PLD1: variants seen among roughly 807,000 people sequenced by gnomAD.
PLD1 encodes the protein choline phosphatase 1.
A neutral mutation model predicts 137.1 loss-of-function variants in PLD1; 112 were observed. The ratio of observed to expected loss-of-function variants is 0.82; its 90% confidence interval spans 0.70 to 0.96. The LOEUF is 0.96. PLD1 is among the 40% of genes least tolerant of loss of function. PLD1 has a pLI of 0.00. For missense variants in PLD1, 1,321 were observed against 1,342.0 expected (o/e 0.98, Z 0.24); for synonymous variants, 431 against 454.7 (o/e 0.95, Z 0.66).
At chr3:171,713,842 GT>G (rs1717452836) in intron 9 of PLD1, 50 bp downstream of exon 9, 1 of 1,492,554 alleles carries the variant, frequency 6.7e-7, no homozygotes, top group Non-Finnish European at 9.2e-7. Context: ...AGAAAAAAAT[GT>G]TTTTAAGGCA....
chr3:171,677,585 T>G lies in PLD1; in HGVS notation c.1977A>C (p.Gln659His). 1 of 1,614,060 alleles carries G rather than the reference T, an allele frequency of 6.2e-7. No homozygotes were observed. The highest frequency in any genetic ancestry group is 8.5e-7 in the Non-Finnish European group (1 of 1,179,940). Residue 659 changes from glutamine to histidine, a missense_variant, in exon 17 of 27, where the codon CAA becomes CAC. Coordinates refer to ENST00000351298, the MANE Select transcript of PLD1 (RefSeq NM_002662.5). ...YCNFVFKDWV[Q>H]LDKPFADFID... Reference sequence around the variant, plus strand: ...ACTCACCAGCAAAAGGTTTATCAAGTTGAACCCAGTCTTTGAAGACGAAAT... The same window carrying G: ...ACTCACCAGCAAAAGGTTTATCAAGGTGAACCCAGTCTTTGAAGACGAAAT...
chr3:171,739,847 A>G (rs1311095213), intron 1 of PLD1, among the ~76,000 whole-genome samples: 1 of 152,206 alleles, frequency 6.6e-6, no homozygotes, highest in East Asian at 1.9e-4. Context: ...AAAAGTTGAT[A>G]TTCTCAACCA....
intron 23 of PLD1, among the ~76,000 whole-genome samples, chr3:171,631,343 C>T (rs781598084): frequency 6.6e-6 from 1 of 152,066 alleles, no homozygotes; most frequent in African/African-American, 2.4e-5. Flanking sequence ...CCGTGTTTCT[C>T]ACTGTGAAAG....
chr3:171,750,097 T>C (rs977582194), intron 1 of PLD1, among the ~76,000 whole-genome samples: 2 of 152,200 alleles, frequency 1.3e-5, no homozygotes, highest in Non-Finnish European at 2.9e-5. Context: ...ATGTGCTCCA[T>C]TGTGAAGAGT....
chr3:171,667,628 G>A (rs1253280838), intron 19 of PLD1, among the ~76,000 whole-genome samples: 1 of 152,188 alleles, frequency 6.6e-6, no homozygotes, highest in Admixed American at 6.5e-5. Flanking sequence ...AGGCAAACAG[G>A]ACATGAAACT....
intron 8 of PLD1, among the ~76,000 whole-genome samples, chr3:171,718,153 G>C (rs948732569): frequency 2.0e-5 from 3 of 152,136 alleles, no homozygotes; most frequent in Non-Finnish European, 2.9e-5. Flanking sequence ...ACAAGTAACT[G>C]TCAGAGACTA....
At chr3:171,736,467 A>G (rs914923249) in intron 3 of PLD1, among the ~76,000 whole-genome samples, 1 of 152,186 alleles carries the variant, frequency 6.6e-6, no homozygotes, top group African/African-American at 2.4e-5. Flanking sequence ...ATAAGAAAAC[A>G]AAGCTCATCT....
intron 1 of PLD1, among the ~76,000 whole-genome samples, chr3:171,795,451 G>C (rs4243420): frequency 0.82 from 124,149 of 152,236 alleles, 50,886 homozygotes; most frequent in Middle Eastern, 0.94. Flanking sequence ...TCCAATATTG[G>C]TTCCTTGTAT....
At chr3:171,648,121 T>C (rs756648857) in intron 21 of PLD1, among the ~76,000 whole-genome samples, 9 of 152,196 alleles carry the variant, frequency 5.9e-5, no homozygotes, top group East Asian at 3.9e-4. Context: ...TGGACACTTA[T>C]GTTGTTTCCA....
At chr3:171,790,158 C>T (rs2108350024) in intron 1 of PLD1, among the ~76,000 whole-genome samples, 1 of 152,282 alleles carries the variant, frequency 6.6e-6, no homozygotes, top group Middle Eastern at 3.4e-3. Context: ...AGCTGAAAGT[C>T]CTTTAAAAGA....
intron 21 of PLD1, among the ~76,000 whole-genome samples, chr3:171,650,868 C>T (rs1301221191): frequency 6.6e-6 from 1 of 151,266 alleles, no homozygotes; most frequent in Non-Finnish European, 1.5e-5. Context: ...CACTGCACTC[C>T]AGCAGCCCGG....
chr3:171,688,281 A>C (rs1395455944), intron 14 of PLD1, among the ~76,000 whole-genome samples: 1 of 152,208 alleles, frequency 6.6e-6, no homozygotes, highest in South Asian at 2.1e-4. Flanking sequence ...ATCTTTAAGT[A>C]GGAACTTTCC....
intron 25 of PLD1, among the ~76,000 whole-genome samples, chr3:171,609,602 G>A (rs538285562): frequency 5.3e-4 from 80 of 151,252 alleles, no homozygotes; most frequent in Middle Eastern, 3.5e-3. Flanking sequence ...CATGTATTTT[G>A]TAGCAACATG....
intron 19 of PLD1, among the ~76,000 whole-genome samples, chr3:171,666,862 T>C (rs1553813692): frequency 6.6e-6 from 1 of 152,254 alleles, no homozygotes; most frequent in Non-Finnish European, 1.5e-5. Context: ...AGCTGTAACT[T>C]GGACTAGTCA....
At chr3:171,648,520 G>A (rs1221860827) in intron 21 of PLD1, among the ~76,000 whole-genome samples, 1 of 151,390 alleles carries the variant, frequency 6.6e-6, no homozygotes, top group African/African-American at 2.4e-5. Flanking sequence ...CATTTAACAG[G>A]GTATCTTGGA....
At chr3:171,748,192 A>G (rs1720391070) in intron 1 of PLD1, among the ~76,000 whole-genome samples, 1 of 152,232 alleles carries the variant, frequency 6.6e-6, no homozygotes, top group South Asian at 2.1e-4. Context: ...TTGTATTTGA[A>G]GAGAAAATAT....
At chr3:171,604,061 A>C (rs1732015164) in intron 26 of PLD1, among the ~76,000 whole-genome samples, 1 of 152,140 alleles carries the variant, frequency 6.6e-6, no homozygotes, top group Non-Finnish European at 1.5e-5. Flanking sequence ...TACAGGGGTC[A>C]GGCGCATTGG....
intron 1 of PLD1, among the ~76,000 whole-genome samples, chr3:171,750,313 A>C (rs1329427075): frequency 2.0e-5 from 3 of 152,214 alleles, no homozygotes; most frequent in African/African-American, 7.2e-5. Flanking sequence ...TGAAGACAAC[A>C]ATAGAAATTA....
chr3:171,760,733 T>C (rs1721336378), intron 1 of PLD1, among the ~76,000 whole-genome samples: 1 of 152,162 alleles, frequency 6.6e-6, no homozygotes, highest in Non-Finnish European at 1.5e-5. Context: ...TGAGTCAGCC[T>C]AGGATGGGAG....
Sources: gnomAD v4.1 joint callset for allele counts (sites outside exome capture counted in the v4.1 genomes callset) on GRCh38, gnomAD v4.1.1 for gene constraint, MANE v1.5 for transcripts, NCBI Gene and HGNC (gene_info 2026-07-23, HGNC 2026-07-21) for gene names.